CYBRD1: variants seen among roughly 807,000 people sequenced by gnomAD.
The protein encoded by CYBRD1 is cytochrome b reductase 1, also known as plasma membrane ascorbate-dependent reductase CYBRD1.
Under a neutral mutation model 21.9 loss-of-function variants are expected in CYBRD1, and 14 were observed. That is an observed-to-expected ratio of 0.64 (90% CI 0.42 to 1.00). CYBRD1 has a LOEUF of 1.00. CYBRD1 is among the 50% of genes least tolerant of loss of function. The pLI, the probability that CYBRD1 is intolerant of heterozygous loss-of-function variation, is 0.00. For missense variants in CYBRD1, 328 were observed against 352.5 expected (o/e 0.93, Z 0.56); for synonymous variants, 146 against 136.5 (o/e 1.07, Z -0.48).
intron 2 of CYBRD1, among the ~76,000 whole-genome samples, chr2:171,546,948 A>G (rs1448184953): frequency 6.6e-6 from 1 of 152,218 alleles, no homozygotes; most frequent in East Asian, 1.9e-4. Flanking sequence ...ACTAGCTTGC[A>G]GGTGTTTATG....
At chr2:171,528,080 C>T (rs543903870) in intron 1 of CYBRD1, among the ~76,000 whole-genome samples, 2 of 150,070 alleles carry the variant, frequency 1.3e-5, no homozygotes, top group East Asian at 2.0e-4. Flanking sequence ...CCTTGGGGCA[C>T]TTTATTTTAT....
chr2:171,530,620 G>C (rs573755770), intron 1 of CYBRD1, among the ~76,000 whole-genome samples: 24 of 152,284 alleles, frequency 1.6e-4, no homozygotes, highest in Non-Finnish European at 3.1e-4. Flanking sequence ...TCGTGGCTAC[G>C]TGAGGATGCC....
chr2:171,533,742 C>T (rs1222947079), intron 1 of CYBRD1, among the ~76,000 whole-genome samples: 1 of 150,834 alleles, frequency 6.6e-6, no homozygotes, highest in Non-Finnish European at 1.5e-5. Flanking sequence ...GGAGCTGAGA[C>T]ATTTTCTTTT....
At chr2:171,536,210 C>T (rs1697543640) in intron 1 of CYBRD1, among the ~76,000 whole-genome samples, 1 of 146,674 alleles carries the variant, frequency 6.8e-6, no homozygotes, top group African/African-American at 2.5e-5. Flanking sequence ...GCGATCTCAG[C>T]TTACCTCAAC....
At chr2:171,529,141 C>T (rs1010781808) in intron 1 of CYBRD1, among the ~76,000 whole-genome samples, 32 of 152,178 alleles carry the variant, frequency 2.1e-4, no homozygotes, top group Admixed American at 1.8e-3. Context: ...CAGAGGGTCA[C>T]ACCAACAAGG....
chr2:171,524,411 T>A (rs1426856710), intron 1 of CYBRD1, among the ~76,000 whole-genome samples: 1 of 152,256 alleles, frequency 6.6e-6, no homozygotes, highest in Non-Finnish European at 1.5e-5. Context: ...AGTCTCCTCT[T>A]CTACCCAACT....
chr2:171,544,081 T>C (rs1210334758), intron 2 of CYBRD1, among the ~76,000 whole-genome samples: 2 of 152,230 alleles, frequency 1.3e-5, no homozygotes, highest in East Asian at 3.8e-4. Flanking sequence ...TTGCACCCTC[T>C]TTAAACTTTA....
intron 1 of CYBRD1, among the ~76,000 whole-genome samples, chr2:171,536,980 A>AT (rs1191078190): frequency 1.3e-5 from 2 of 152,176 alleles, no homozygotes; most frequent in African/African-American, 4.8e-5. Context: ...AACAATATTA[A>AT]TTTTAAACCA....
chr2:171,533,561 CT>C (rs938256719), intron 1 of CYBRD1, among the ~76,000 whole-genome samples: 5 of 152,194 alleles, frequency 3.3e-5, no homozygotes, highest in Non-Finnish European at 5.9e-5. Flanking sequence ...CACTCTTCCC[CT>C]ACCACACACA....
Position 171,555,020 on chromosome 2 carries a change from T to C in CYBRD1, c.*193T>C, listed in dbSNP as rs1683458028. The C allele has an allele frequency of 1.6e-6, 1 of 631,228 alleles. No individual in the cohort carries two copies. 39.1% of individuals were successfully genotyped at this position (631,228 alleles called of 1,614,324 possible). A position where few individuals can be genotyped will look rare whatever the true frequency, so the allele number is the denominator to read the frequency against. Reference sequence around the variant, plus strand: ...CCTGAATTGGAAAGGATGTGATTAATATAAATAATAGCAGATATAAATTGT... The same window carrying C: ...CCTGAATTGGAAAGGATGTGATTAACATAAATAATAGCAGATATAAATTGT... On this transcript the variant is annotated 3_prime_UTR_variant, in exon 4 of 4. Coordinates refer to ENST00000321348, the MANE Select transcript of CYBRD1 (RefSeq NM_024843.4).
At chr2:171,543,497 A>G (rs908232658) in intron 2 of CYBRD1, among the ~76,000 whole-genome samples, 1 of 151,918 alleles carries the variant, frequency 6.6e-6, no homozygotes, top group African/African-American at 2.4e-5. Context: ...CTTCTCCTCA[A>G]CCAGATAAAG....
chr2:171,541,125 G>A (rs1559317336), intron 1 of CYBRD1: 1 of 190,442 alleles, frequency 5.3e-6, no homozygotes, highest in Non-Finnish European at 1.1e-5. Context: ...TTAAGATTAG[G>A]AATTTGGTTT....
chr2:171,539,742 T>A (rs1559316917), intron 1 of CYBRD1: 1 of 146,342 alleles, frequency 6.8e-6, no homozygotes, highest in Non-Finnish European at 1.5e-5. Flanking sequence ...TTTTTTTTTT[T>A]CCCCGAGACG....
rs984297304 is a variant in CYBRD1, at chr2:171,554,470, T to G, written c.558-54T>G. 4 of 1,583,752 alleles carry G rather than the reference T, an allele frequency of 2.5e-6. No homozygotes were observed. In the African/African-American group the frequency reaches 4.0e-5, roughly 16 times the overall value. Reference sequence around the variant, plus strand: ...TTGAGCAGATAAATTCAAGACTGTTTTGCATGTTGCTGTATCATCCTGTTT... The same window carrying G: ...TTGAGCAGATAAATTCAAGACTGTTGTGCATGTTGCTGTATCATCCTGTTT... On this transcript the variant is annotated intron_variant, in intron 3 of 3. Transcript: ENST00000321348.
chr2:171,523,676 C>G (rs1697345133), intron 1 of CYBRD1, among the ~76,000 whole-genome samples: 1 of 152,054 alleles, frequency 6.6e-6, no homozygotes, highest in Non-Finnish European at 1.5e-5. Context: ...CTGAGGCTGG[C>G]GCGGGGGAGG....
intron 1 of CYBRD1, among the ~76,000 whole-genome samples, chr2:171,523,587 T>TGCTCGGGATGCCC (rs1697343282): frequency 6.6e-6 from 1 of 152,112 alleles, no homozygotes. Flanking sequence ...GAGGGATGCC[T>TGCTCGGGATGCCC]CTGCTCGGGA....
chr2:171,546,027 C>A (rs13009270), intron 2 of CYBRD1, among the ~76,000 whole-genome samples: 25,912 of 152,144 alleles, frequency 0.17, 2,311 homozygotes, highest in Non-Finnish European at 0.18. Context: ...TCTGAAATAT[C>A]CAGATTCATA....
intron 2 of CYBRD1, 69 bp downstream of exon 2, chr2:171,541,862 T>C (rs964219318): frequency 1.1e-5 from 2 of 185,482 alleles, no homozygotes; most frequent in South Asian, 5.7e-5. Context: ...TTTTCTTTTC[T>C]TTTTTTTTTT....
At position 171,524,160 on chromosome 2, in the gene CYBRD1, A is replaced by G. The variant is rs190072507; in HGVS notation, c.193+1422A>G. Among the ~76,000 whole-genome samples, 231 of 152,156 alleles carry G rather than the reference A, an allele frequency of 1.5e-3. 1 individual carries two copies. The highest frequency in any genetic ancestry group is 0.014 in the Middle Eastern group (4 of 294). On this transcript the variant is annotated intron_variant, in intron 1 of 3. Coordinates refer to ENST00000321348, the MANE Select transcript of CYBRD1 (RefSeq NM_024843.4). ...GTGGAAGGTGTTACTAACCCTCAGC[A>G]TTCAAAGGCTTCCCTGGTGTGAGAT...
Sources: gnomAD v4.1 joint callset for allele counts (sites outside exome capture counted in the v4.1 genomes callset) on GRCh38, gnomAD v4.1.1 for gene constraint, MANE v1.5 for transcripts, NCBI Gene and HGNC (gene_info 2026-07-23, HGNC 2026-07-21) for gene names.